ANKMY2: variants seen among roughly 807,000 people sequenced by gnomAD.
The protein encoded by ANKMY2 is ankyrin repeat and MYND domain containing 2.
In ANKMY2, 36 loss-of-function variants were observed where a neutral mutation model predicts 50.4. The ratio of observed to expected loss-of-function variants is 0.71; its 90% CI spans 0.55 to 0.94. The LOEUF (loss-of-function observed/expected upper bound fraction) is 0.94, where lower values mean the gene tolerates loss of function less well. Ranked by LOEUF, ANKMY2 falls within the 40% of genes least tolerant of loss-of-function variation. The pLI is 0.00. For missense variants in ANKMY2, 565 were observed against 524.0 expected (o/e 1.08, Z -0.76); for synonymous variants, 187 against 178.8 (o/e 1.05, Z -0.36).
intron 5 of ANKMY2, among the ~76,000 whole-genome samples, chr7:16,614,263 A>G (rs573909267): frequency 7.9e-5 from 12 of 152,194 alleles, no homozygotes; most frequent in Non-Finnish European, 1.2e-4. Context: ...AAGAAAATAC[A>G]TATTTTTTAA....
intron 2 of ANKMY2, among the ~76,000 whole-genome samples, chr7:16,631,511 C>T (rs80215764): frequency 0.061 from 9,320 of 152,088 alleles, 528 homozygotes; most frequent in African/African-American, 0.14. Context: ...TTTGATAAAG[C>T]TTACTCTGGT....
rs1047249816 is a variant in ANKMY2, at chr7:16,599,880, T to C, written c.*881A>G. The C allele has an allele frequency of 6.6e-6, 1 of 152,168 alleles. No individual in the cohort carries two copies. The highest frequency in any genetic ancestry group is 1.5e-5 in the Non-Finnish European group (1 of 68,024). 9.4% of individuals were successfully genotyped at this position (152,168 alleles called of 1,614,324 possible). On this transcript the variant is annotated 3_prime_UTR_variant, in exon 10 of 10. Coordinates refer to ENST00000306999, the MANE Select transcript of ANKMY2 (RefSeq NM_020319.3). ...ATTCTAGCTCTGTTTAAATACCACA[T>C]ATGCTAAAAACCGACGCCAGGACAT...
chr7:16,636,329 A>AGG, intron 2 of ANKMY2, 62 bp downstream of exon 2: 1 of 865,978 alleles, frequency 1.2e-6, no homozygotes, highest in Non-Finnish European at 1.7e-6. Context: ...AAAAAAAAAA[A>AGG]AAGGATATAT....
rs148983184 is a variant in ANKMY2, at chr7:16,601,819, T to A, written c.1141+561A>T. Among the ~76,000 whole-genome samples the A allele has an allele frequency of 3.7e-4, 56 of 152,142 alleles. No individual in the cohort carries two copies. The East Asian group carries it at 0.01, about 27-fold the overall frequency. ...TGCTGAAGCAACTCACTATTTCTGA[T>A]GAAAATGGGTCACAAAACCTCAAGA... On this transcript the variant is annotated intron_variant, in intron 9 of 9. Coordinates refer to ENST00000306999, the MANE Select transcript of ANKMY2 (RefSeq NM_020319.3).
At chr7:16,644,824 G>C in intron 1 of ANKMY2, 1 of 422,434 alleles carries the variant, frequency 2.4e-6, no homozygotes. Context: ...TTGGGGGAGT[G>C]GACAAGAAAG....
intron 4 of ANKMY2, among the ~76,000 whole-genome samples, chr7:16,623,777 C>T (rs949799092): frequency 4.6e-5 from 7 of 152,058 alleles, no homozygotes; most frequent in South Asian, 4.1e-4. Flanking sequence ...AATATTTCTC[C>T]GAAGCTTACA....
chr7:16,602,359 A>G, intron 9 of ANKMY2, 21 bp downstream of exon 9: 1 of 1,606,916 alleles, frequency 6.2e-7, no homozygotes. Context: ...AGCAGAGTGA[A>G]CTCGGTTTTT....
chr7:16,612,489 GAA>G (rs1272454070), intron 5 of ANKMY2, among the ~76,000 whole-genome samples: 1 of 152,146 alleles, frequency 6.6e-6, no homozygotes, highest in Non-Finnish European at 1.5e-5. Context: ...TGGTGGAGAA[GAA>G]AAGACTCATT....
At chr7:16,606,429 T>A (rs1454089107) in intron 7 of ANKMY2, among the ~76,000 whole-genome samples, 4 of 148,430 alleles carry the variant, frequency 2.7e-5, no homozygotes, top group African/African-American at 4.9e-5. Context: ...ACCTTGTATT[T>A]AAAAAAAAAA....
rs770307031 is a variant in ANKMY2 at position 16,600,916 on chromosome 7, C to A, written c.1171G>T (p.Val391Phe). 6.2e-7 allele frequency: 1 copy of A among 1,607,046 alleles called. No individual in the cohort carries two copies. Among genetic ancestry groups the A allele is most frequent in the East Asian group, 2.2e-5 (1 of 44,784 alleles). Residue 391 changes from valine to phenylalanine, a missense_variant, in exon 10 of 10, where the codon GTT becomes TTT. Transcript: ENST00000306999. ...HGKLDVNSNC[V>F]NEEQPEAEVG... ...TCAGCCTCTGGTTGCTCTTCATTAA[C>A]ACAGTTAGAATTGACATCAAGTTTG...
At position 16,623,039 on chromosome 7, in the gene ANKMY2, C is replaced by G. The variant is rs182744889; in HGVS notation, c.370+1944G>C. Among the ~76,000 whole-genome samples the G allele has an allele frequency of 3.8e-3, 577 of 152,184 alleles. 2 individuals are homozygous for G. The highest frequency in any genetic ancestry group is 0.013 in the African/African-American group (544 of 41,514). On this transcript the variant is annotated intron_variant, in intron 4 of 9. Transcript: ENST00000306999. ...TAGCTGTTGAAGGAAATGAATTACA[C>G]CTACTGAGATGGGAGGAACTTCCAT...
chr7:16,640,023 AGGTGTAGT>A (rs1432332556), intron 1 of ANKMY2, among the ~76,000 whole-genome samples: 1 of 151,844 alleles, frequency 6.6e-6, no homozygotes, highest in African/African-American at 2.4e-5. Flanking sequence ...AAAATTAGCC[AGGTGTAGT>A]GGTGCGTGCT....
At chr7:16,605,756 C>G (rs1057002644) in intron 7 of ANKMY2, among the ~76,000 whole-genome samples, 6 of 147,528 alleles carry the variant, frequency 4.1e-5, no homozygotes, top group Non-Finnish European at 7.4e-5. Context: ...GATCTCTGCT[C>G]ACTGCAAGCT....
chr7:16,614,290 C>T (rs1289234170), intron 5 of ANKMY2, among the ~76,000 whole-genome samples: 1 of 152,114 alleles, frequency 6.6e-6, no homozygotes, highest in Non-Finnish European at 1.5e-5. Context: ...AATTCTAAGC[C>T]CTCTGTAATC....
Position 16,615,821 on chromosome 7 carries a change from T to C in ANKMY2, c.454A>G (p.Lys152Glu), listed in dbSNP as rs757957045. Residue 152 changes from lysine to glutamate, a missense_variant, in exon 5 of 10, where the codon AAA becomes GAA. By Grantham distance (56) the Lys-to-Glu change is moderately conservative. Transcript: ENST00000306999. ...AACTTTGGGGGCAGTTTTGGCTCTT[T>C]ATCCAGTCCCTGGGGCTTAGTGTAA... ...DYYTKPQGLD[K>E]EPKLPPKLAG... 1.2e-6 allele frequency: 2 copies of C among 1,614,212 alleles called. No homozygotes were observed. Among genetic ancestry groups the C allele is most frequent in the Non-Finnish European group, 1.7e-6 (2 of 1,180,036 alleles).
intron 5 of ANKMY2, among the ~76,000 whole-genome samples, chr7:16,615,415 A>C (rs1187726689): frequency 6.6e-6 from 1 of 152,108 alleles, no homozygotes; most frequent in East Asian, 1.9e-4. Flanking sequence ...ACCCAACAAC[A>C]GACTGATGAA....
intron 3 of ANKMY2, 84 bp downstream of exon 3, chr7:16,626,956 C>A (rs1009676563): frequency 1.5e-5 from 18 of 1,164,464 alleles, no homozygotes; most frequent in Middle Eastern, 3.0e-4. Context: ...TTACTAAAAT[C>A]AAAATGAATT....
At position 16,616,003 on chromosome 7, in the gene ANKMY2, G is replaced by T. The variant is rs547044664; in HGVS notation, c.371-99C>A. On this transcript the variant is annotated intron_variant, in intron 4 of 9. Coordinates refer to ENST00000306999, the MANE Select transcript of ANKMY2 (RefSeq NM_020319.3). Reference sequence around the variant, plus strand: ...GTTGCTATTTTTGTGATGTAAACATGCACCAATATCTTTATTTTTCAGGAA... The same window carrying T: ...GTTGCTATTTTTGTGATGTAAACATTCACCAATATCTTTATTTTTCAGGAA... 20 of 1,140,926 alleles carry T rather than the reference G, an allele frequency of 1.8e-5. No homozygotes were observed. The Middle Eastern group carries it at 8.2e-4, about 47-fold the overall frequency. 70.7% of individuals were successfully genotyped at this position (1,140,926 alleles called of 1,614,324 possible).
chr7:16,645,473 T>TGGCCGC (rs751027928), intron 1 of ANKMY2, 34 bp downstream of exon 1: 20 of 1,583,970 alleles, frequency 1.3e-5, no homozygotes, highest in Non-Finnish European at 1.7e-5. Context: ...CCGGCCAGGC[T>TGGCCGC]GGCCGCGGCC....
Sources: gnomAD v4.1 joint callset for allele counts (sites outside exome capture counted in the v4.1 genomes callset) on GRCh38, gnomAD v4.1.1 for gene constraint, MANE v1.5 for transcripts, NCBI Gene and HGNC (gene_info 2026-07-23, HGNC 2026-07-21) for gene names.